The following SRP68 variants were observed in gnomAD, a reference collection of about 807,000 sequenced individuals.
SRP68 encodes signal recognition particle subunit SRP68.
In SRP68, 15 loss-of-function variants were observed where a neutral mutation model predicts 82.2. The ratio of observed to expected loss-of-function variants is 0.18; its 90% confidence interval spans 0.12 to 0.28. The LOEUF is 0.28. Ranked by LOEUF, SRP68 falls within the 10% of genes least tolerant of loss-of-function variation. SRP68 has a pLI of 1.00. For synonymous variants in SRP68, 261 were observed against 292.6 expected (o/e 0.89, Z 1.10); for missense variants, 595 against 780.5 (o/e 0.76, Z 2.83).
Position 76,072,045 on chromosome 17 carries a change from C to A in SRP68, c.184+263G>T. The stretch of plus-strand genomic sequence containing the variant: ...CACAAGCCCTCCAACTGGACAACTG[C>A]GGGGCACCAGGGGAAACCTGCCTGA... On this transcript the variant is annotated intron_variant, in intron 1 of 15. Coordinates refer to ENST00000307877, the MANE Select transcript of SRP68 (RefSeq NM_014230.4). The surrounding 1 kb of genome is among the most constrained non-coding windows in gnomAD (Gnocchi z 4.5). 1 of 600,148 alleles carries A rather than the reference C, an allele frequency of 1.7e-6. No homozygotes were observed. 37.2% of individuals were successfully genotyped at this position (600,148 alleles called of 1,614,324 possible). A position where few individuals can be genotyped will look rare whatever the true frequency, so the allele number is the denominator to read the frequency against.
At position 76,062,742 on chromosome 17, in the gene SRP68, T is replaced by TATATATATATATAAA. The variant is rs1555629424; in HGVS notation, c.562-1169_562-1168insTTTATATATATATAT. Among the ~76,000 whole-genome samples, 23 of 28,210 alleles carry TATATATATATATAAA rather than the reference T, an allele frequency of 8.2e-4. 2 individuals are homozygous for TATATATATATATAAA. The highest frequency in any genetic ancestry group is 1.7e-3 in the Admixed American group (2 of 1,186). The allele number at this position is 28,210 out of a possible 152,430, so 18.5% of individuals were successfully genotyped here. A position where few individuals can be genotyped will look rare whatever the true frequency, so the allele number is the denominator to read the frequency against. On this transcript the variant is annotated intron_variant, in intron 4 of 15. Transcript: ENST00000307877. The stretch of plus-strand genomic sequence containing the variant: ...ATTATATTTATTTTATATATATATA[T>TATATATATATATAAA]ATATATATATATATATATATATAAA...
intron 8 of SRP68, chr17:76,053,452 C>T: frequency 1.0e-6 from 1 of 985,412 alleles, no homozygotes; most frequent in Non-Finnish European, 1.2e-6. Context: ...GTCTTACCAG[C>T]TACACAGGAT....
intron 8 of SRP68, among the ~76,000 whole-genome samples, chr17:76,053,070 T>G (rs920054663): frequency 3.3e-5 from 5 of 151,828 alleles, no homozygotes; most frequent in Non-Finnish European, 7.4e-5. Flanking sequence ...GAGACCAGCC[T>G]GGGCAACATG....
chr17:76,060,198 T>A (rs1280080913), intron 7 of SRP68, 110 bp downstream of exon 7: 9 of 359,030 alleles, frequency 2.5e-5, no homozygotes, highest in Non-Finnish European at 3.4e-5. Context: ...TATTTGCTAA[T>A]ACAGATATAA....
Position 76,067,207 on chromosome 17 carries a change from C to T in SRP68, c.365+10G>A. On this transcript the variant is annotated intron_variant, in intron 3 of 15. Transcript: ENST00000307877. The stretch of plus-strand genomic sequence containing the variant: ...GAAGTAATTTGCAACTAGCATGGAG[C>T]AGTCAATACCTATTATCGGTCAGAA... 6.3e-7 allele frequency: 1 copy of T among 1,589,684 alleles called. No individual in the cohort carries two copies.
At chr17:76,062,780 AT>A (rs879053104) in intron 4 of SRP68, among the ~76,000 whole-genome samples, 1 of 96,520 alleles carries the variant, frequency 1.0e-5, no homozygotes, top group Non-Finnish European at 1.9e-5. Context: ...ATATATATAT[AT>A]TTTTTTTGAG....
Position 76,072,071 on chromosome 17 carries a change from T to G in SRP68, c.184+237A>C. The stretch of plus-strand genomic sequence containing the variant: ...GGGGCACCAGGGGAAACCTGCCTGA[T>G]ATCCCAGTGCCACTGGAAGAAACGG... On this transcript the variant is annotated intron_variant, in intron 1 of 15. Transcript: ENST00000307877. This position sits in a 1 kb window ranked among gnomAD's most constrained non-coding sequence, Gnocchi z 4.5. The G allele has an allele frequency of 1.4e-6, 1 of 720,848 alleles. No homozygotes were observed. Among genetic ancestry groups the G allele is most frequent in the Non-Finnish European group, 2.2e-6 (1 of 459,608 alleles). 44.7% of individuals were successfully genotyped at this position (720,848 alleles called of 1,614,324 possible). A position where few individuals can be genotyped will look rare whatever the true frequency, so the allele number is the denominator to read the frequency against.
chr17:76,067,239 C>T lies in SRP68; in HGVS notation c.343G>A (p.Glu115Lys), dbSNP rs2066814029. 1 of 1,613,574 alleles carries T rather than the reference C, an allele frequency of 6.2e-7. No individual in the cohort carries two copies. The highest frequency in any genetic ancestry group is 1.3e-5 in the African/African-American group (1 of 74,898). Reference sequence around the variant, plus strand: ...TACCTATTATCGGTCAGAAGCTCTTCAGTCACTTTCTTCCCTGTGAATTTG... The same window carrying T: ...TACCTATTATCGGTCAGAAGCTCTTTAGTCACTTTCTTCCCTGTGAATTTG... ...RHKFTGKKVT[E>K]ELLTDNRYLL... Residue 115 changes from glutamate to lysine, a missense_variant, in exon 3 of 16, where the codon GAA (glutamate) becomes AAA (lysine). Physicochemically the swap from Glu to Lys is moderately conservative, Grantham distance 56. This residue lies in a region of SRP68 where 495 missense variants were observed against 688.6 expected (regional missense o/e 0.72). Transcript: ENST00000307877.
At position 76,046,209 on chromosome 17, in the gene SRP68, A is replaced by G; in HGVS notation, c.1143-15T>C. On this transcript the variant is annotated splice_polypyrimidine_tract_variant and intron_variant, in intron 10 of 15. Coordinates refer to ENST00000307877, the MANE Select transcript of SRP68 (RefSeq NM_014230.4). ...AAGTCAGGTAGCTGGAATGCACCAC[A>G]AGTCAGCTCAAGTTATACTCAGAGA... 1.2e-6 allele frequency: 2 copies of G among 1,613,504 alleles called. No homozygotes were observed. The highest frequency in any genetic ancestry group is 1.7e-6 in the Non-Finnish European group (2 of 1,179,724).
At chr17:76,052,732 A>G (rs1179133460) in intron 8 of SRP68, among the ~76,000 whole-genome samples, 1 of 146,528 alleles carries the variant, frequency 6.8e-6, no homozygotes, top group African/African-American at 2.5e-5. Flanking sequence ...TGAACCCGGG[A>G]GGCGGAGGTT....
At chr17:76,061,610 A>T (rs762962207) in intron 4 of SRP68, 36 bp from the exon 5 acceptor site, 7 of 1,544,950 alleles carry the variant, frequency 4.5e-6, no homozygotes, top group Non-Finnish European at 6.3e-6. Flanking sequence ...CTGCTTCAAC[A>T]GCAAACCAGT....
At chr17:76,068,238 G>A (rs1334055293) in intron 2 of SRP68, among the ~76,000 whole-genome samples, 1 of 151,870 alleles carries the variant, frequency 6.6e-6, no homozygotes, top group African/African-American at 2.4e-5. Flanking sequence ...GTTGCGTTGA[G>A]CCAAGATTGC....
chr17:76,041,954 G>A (rs2084783905), intron 13 of SRP68, among the ~76,000 whole-genome samples: 1 of 151,960 alleles, frequency 6.6e-6, no homozygotes, highest in Admixed American at 6.6e-5. Flanking sequence ...CGTGATCTTG[G>A]CTCACTGCAA....
chr17:76,072,139 G>T lies in SRP68; in HGVS notation c.184+169C>A. The T allele has an allele frequency of 2.3e-6, 3 of 1,315,438 alleles. No individual in the cohort carries two copies. Among genetic ancestry groups the T allele is most frequent in the East Asian group, 2.5e-5 (1 of 40,308 alleles). The allele number at this position is 1,315,438 out of a possible 1,614,324, so 81.5% of individuals were successfully genotyped here. A position where few individuals can be genotyped will look rare whatever the true frequency, so the allele number is the denominator to read the frequency against. Reference sequence around the variant, plus strand: ...AGGGGGACACGAGGAAAGACTAGTCGAGAGACAGACCCCCCCCGGAATTCT... The same window carrying T: ...AGGGGGACACGAGGAAAGACTAGTCTAGAGACAGACCCCCCCCGGAATTCT... On this transcript the variant is annotated intron_variant, in intron 1 of 15. Transcript: ENST00000307877. The surrounding 1 kb of genome is among the most constrained non-coding windows in gnomAD (Gnocchi z 4.5).
In SRP68 at chr17:76,067,327, G is replaced by A. The variant is rs766126932; in HGVS notation, c.255C>T (p.Gly85=). ...GACGTCTTTGTCTACGGGAACAGTA[G>A]CCCCTGTAAGAAACCACAAACAAAA... The part of the protein sequence containing the change: ...LRHGDFQRYR[G]YCSRRQRRLR... The change falls in exon 3 of 16, where the codon GGC becomes GGT. Residue 85 remains glycine (G), a synonymous_variant. Transcript: ENST00000307877. 5 of 1,609,850 alleles carry A rather than the reference G, an allele frequency of 3.1e-6. No homozygotes were observed. The highest frequency in any genetic ancestry group is 4.2e-6 in the Non-Finnish European group (5 of 1,178,042).
rs761521840 is a variant in SRP68 at position 76,043,991 on chromosome 17, A to G, written c.1395-33T>C. The G allele has an allele frequency of 3.8e-6, 6 of 1,581,218 alleles. No homozygotes were observed. In the South Asian group the frequency reaches 5.9e-5, roughly 15 times the overall value. ...GGAGGGAAAAGAGCCACAATATTCT[A>G]AAGCAGCAATTACCCAAGACCAAGG... On this transcript the variant is annotated intron_variant, in intron 12 of 15. Coordinates refer to ENST00000307877, the MANE Select transcript of SRP68 (RefSeq NM_014230.4).
chr17:76,061,023 C>A (rs924658201), intron 6 of SRP68, 87 bp downstream of exon 6: 2 of 821,024 alleles, frequency 2.4e-6, no homozygotes, highest in Non-Finnish European at 4.1e-6. Context: ...AAAGTTACAT[C>A]AACTCTCTAG....
chr17:76,043,808 A>G (rs1301150752), intron 13 of SRP68, 21 bp downstream of exon 13: 2 of 1,574,224 alleles, frequency 1.3e-6, no homozygotes, highest in East Asian at 2.3e-5. Flanking sequence ...GCTTGCAAAC[A>G]AGGAGAGGCC....
chr17:76,040,751 G>T, intron 14 of SRP68, 152 bp downstream of exon 14: 1 of 748,328 alleles, frequency 1.3e-6, no homozygotes, highest in East Asian at 2.5e-5. Flanking sequence ...TACACAATCT[G>T]ATGCCCAGCT....
Sources: allele counts gnomAD v4.1 joint callset (sites outside exome capture counted in the v4.1 genomes callset), GRCh38; gene constraint gnomAD v4.1.1; regional missense constraint gnomAD v4.1.1; non-coding constraint Gnocchi (gnomAD v3.1); transcripts MANE v1.5; gene names NCBI Gene and HGNC (gene_info 2026-07-23, HGNC 2026-07-21).